The following MBNL2 variants were observed in gnomAD, a reference collection of about 807,000 sequenced individuals.
MBNL2 encodes muscleblind like splicing regulator 2.
A neutral mutation model predicts 41.9 loss-of-function variants in MBNL2; 17 were observed. The ratio of observed to expected loss-of-function variants is 0.41; its 90% CI spans 0.28 to 0.61. MBNL2 has a LOEUF of 0.61. MBNL2 is among the 20% of genes least tolerant of loss of function. The pLI is 0.35. For missense variants in MBNL2, 336 were observed against 505.6 expected, an observed-to-expected ratio of 0.66 and a Z score of 3.22; for synonymous variants, 195 against 182.9, an observed-to-expected ratio of 1.07 and a Z score of -0.53.
At chr13:97,266,017 G>A (rs1469127604) in intron 1 of MBNL2, among the ~76,000 whole-genome samples, 1 of 152,128 alleles carries the variant, frequency 6.6e-6, no homozygotes, top group African/African-American at 2.4e-5. Context: ...CGAGGTGGGT[G>A]GATGACTTGA....
chr13:97,189,447 ATGT>A, the MBNL2 span, among the ~76,000 whole-genome samples: 188 of 152,370 alleles, frequency 1.2e-3, no homozygotes, highest in Admixed American at 3.2e-3. Flanking sequence ...ATGAAACTAA[ATGT>A]TGTCGTAGGA....
chr13:97,158,950 T>G, the MBNL2 span, among the ~76,000 whole-genome samples: 1 of 150,988 alleles, frequency 6.6e-6, no homozygotes, highest in Middle Eastern at 3.4e-3. Context: ...CTGGGTATCC[T>G]TGTTGACTTT....
intron 2 of MBNL2, among the ~76,000 whole-genome samples, chr13:97,325,745 A>G (rs956842642): frequency 6.6e-6 from 1 of 152,210 alleles, no homozygotes; most frequent in Non-Finnish European, 1.5e-5. Flanking sequence ...TAAAAATAAA[A>G]AATTTTTAAA....
intron 8 of MBNL2, among the ~76,000 whole-genome samples, chr13:97,375,306 A>ATACT: frequency 6.6e-6 from 1 of 152,284 alleles, no homozygotes; most frequent in East Asian, 1.9e-4. Flanking sequence ...AATGCTAACG[A>ATACT]TACTTAAGAG....
the MBNL2 span, among the ~76,000 whole-genome samples, chr13:97,203,415 C>T: frequency 2.6e-5 from 4 of 152,192 alleles, no homozygotes; most frequent in Non-Finnish European, 5.9e-5. Context: ...CACTGGCCAT[C>T]ACCCCATCCC....
chr13:97,183,539 G>C, the MBNL2 span, among the ~76,000 whole-genome samples: 28 of 152,062 alleles, frequency 1.8e-4, no homozygotes, highest in Non-Finnish European at 2.5e-4. Flanking sequence ...TACCCAAAGG[G>C]ATCCTCTCTG....
At chr13:97,148,996 T>C in the MBNL2 span, among the ~76,000 whole-genome samples, 3 of 152,202 alleles carry the variant, frequency 2.0e-5, no homozygotes, top group Non-Finnish European at 4.4e-5. Context: ...AACTCTGAAC[T>C]TGGGGACTTT....
chr13:97,231,361 C>T (rs2042357222), intron 1 of MBNL2, among the ~76,000 whole-genome samples: 1 of 152,196 alleles, frequency 6.6e-6, no homozygotes. Context: ...TTGTAACAGG[C>T]TCCAGGTGAT....
At chr13:97,348,096 T>TTTTTTAA (rs1209408137) in intron 5 of MBNL2, among the ~76,000 whole-genome samples, 1 of 137,398 alleles carries the variant, frequency 7.3e-6, no homozygotes, top group African/African-American at 3.0e-5. Flanking sequence ...TTTTTTTTTT[T>TTTTTTAA]AAGACAAGGT....
intron 2 of MBNL2, among the ~76,000 whole-genome samples, chr13:97,299,680 CTATCTATCATCTATA>C (rs1266156015): frequency 6.6e-6 from 1 of 151,762 alleles, no homozygotes. Flanking sequence ...ATCTATCTAT[CTATCTATCATCTATA>C]TCCAAGATTA....
chr13:97,278,259 A>C (rs2052600756), intron 2 of MBNL2, among the ~76,000 whole-genome samples: 1 of 148,612 alleles, frequency 6.7e-6, no homozygotes, highest in South Asian at 2.1e-4. Context: ...CTCAAAAAAA[A>C]AAAAAAAAAA....
rs192923679 is a variant in MBNL2 at position 97,311,661 on chromosome 13, T to C, written c.175-22615T>C. Among the ~76,000 whole-genome samples, 773 of 151,544 alleles carry C rather than the reference T, an allele frequency of 5.1e-3. 8 individuals are homozygous for C. The highest frequency in any genetic ancestry group is 0.018 in the African/African-American group (735 of 40,876). Reference sequence around the variant, plus strand: ...ATTTTTAGAGGGGATTTTTTTTCTTTTTTTTTTAAAAAAAAACCATGTGTA... The same window carrying C: ...ATTTTTAGAGGGGATTTTTTTTCTTCTTTTTTTAAAAAAAAACCATGTGTA... On this transcript the variant is annotated intron_variant, in intron 2 of 8. Transcript: ENST00000679496.
the MBNL2 span, among the ~76,000 whole-genome samples, chr13:97,210,053 C>T: frequency 6.6e-6 from 1 of 152,190 alleles, no homozygotes; most frequent in Non-Finnish European, 1.5e-5. Context: ...GCCTTGGCCT[C>T]CCGAAGTGCT....
At chr13:97,263,139 A>G (rs1052803893) in intron 1 of MBNL2, among the ~76,000 whole-genome samples, 8 of 152,062 alleles carry the variant, frequency 5.3e-5, no homozygotes, top group African/African-American at 1.7e-4. Context: ...CCCAATCCCC[A>G]AAGATGAATT....
the MBNL2 span, among the ~76,000 whole-genome samples, chr13:97,169,161 C>G: frequency 6.6e-6 from 1 of 152,178 alleles, no homozygotes; most frequent in Admixed American, 6.5e-5. Flanking sequence ...CCAATAACTT[C>G]TTATTGATGT....
chr13:97,209,517 G>T, the MBNL2 span, among the ~76,000 whole-genome samples: 1 of 152,206 alleles, frequency 6.6e-6, no homozygotes, highest in Admixed American at 6.5e-5. Context: ...AAAGGAGAGT[G>T]TGCAATTAAT....
At chr13:97,307,960 T>A (rs1228055287) in intron 2 of MBNL2, among the ~76,000 whole-genome samples, 1 of 152,214 alleles carries the variant, frequency 6.6e-6, no homozygotes, top group African/African-American at 2.4e-5. Flanking sequence ...TGTTCACAGA[T>A]ACAGGGGATA....
chr13:97,196,880 C>G, the MBNL2 span, among the ~76,000 whole-genome samples: 1 of 152,184 alleles, frequency 6.6e-6, no homozygotes, highest in Non-Finnish European at 1.5e-5. Context: ...TGAGGACCAG[C>G]AGCCTAGAAA....
intron 1 of MBNL2, among the ~76,000 whole-genome samples, chr13:97,264,718 G>A (rs1594116115): frequency 6.6e-6 from 1 of 152,224 alleles, no homozygotes; most frequent in African/African-American, 2.4e-5. Flanking sequence ...ATAGGTAGGT[G>A]TACAGGCCAA....
Sources: allele counts gnomAD v4.1 joint callset (sites outside exome capture counted in the v4.1 genomes callset), GRCh38; gene constraint gnomAD v4.1.1; transcripts MANE v1.5; gene names NCBI Gene and HGNC (gene_info 2026-07-23, HGNC 2026-07-21).